STAU2: variants seen among roughly 807,000 people sequenced by gnomAD.
STAU2 encodes the protein staufen double-stranded RNA binding protein 2.
Under a neutral mutation model 65.9 loss-of-function variants are expected in STAU2, and 20 were observed. The observed-to-expected ratio is 0.30, with a 90% confidence interval of 0.21 to 0.44. The LOEUF is 0.44. STAU2 is among the 20% of genes least tolerant of loss of function. The pLI, the probability that STAU2 is intolerant of heterozygous loss-of-function variation, is 1.00. For missense variants in STAU2, 558 were observed against 683.9 expected (o/e 0.82, Z 2.05); for synonymous variants, 232 against 233.9 (o/e 0.99, Z 0.07).
chr8:73,472,646 G>A (rs1334650180), intron 13 of STAU2, among the ~76,000 whole-genome samples: 2 of 151,486 alleles, frequency 1.3e-5, no homozygotes, highest in African/African-American at 2.4e-5. Context: ...TTTGCATATA[G>A]TACAAACTTC....
intron 13 of STAU2, among the ~76,000 whole-genome samples, chr8:73,464,255 G>A (rs528475841): frequency 5.3e-5 from 8 of 152,126 alleles, no homozygotes; most frequent in Non-Finnish European, 1.0e-4. Flanking sequence ...CTAAGCTCAC[G>A]TCAAGCTAGC....
intron 13 of STAU2, among the ~76,000 whole-genome samples, chr8:73,465,723 G>T (rs1271140789): frequency 6.6e-6 from 1 of 152,194 alleles, no homozygotes; most frequent in Non-Finnish European, 1.5e-5. Flanking sequence ...CATATGCATT[G>T]CTTGATTAGA....
At chr8:73,733,096 C>G (rs974276977) in intron 3 of STAU2, among the ~76,000 whole-genome samples, 1 of 151,622 alleles carries the variant, frequency 6.6e-6, no homozygotes, top group Non-Finnish European at 1.5e-5. Context: ...TTCTGCTACT[C>G]CTTCGACACG....
At chr8:73,424,180 A>G (rs569453053) in intron 13 of STAU2, among the ~76,000 whole-genome samples, 2 of 141,660 alleles carry the variant, frequency 1.4e-5, no homozygotes, top group South Asian at 4.6e-4. Flanking sequence ...TTAGCAATGT[A>G]TATTTGAAGC....
intron 12 of STAU2, among the ~76,000 whole-genome samples, chr8:73,571,192 C>G (rs1486602928): frequency 6.6e-6 from 1 of 152,172 alleles, no homozygotes; most frequent in Non-Finnish European, 1.5e-5. Context: ...ACAAGAAGAG[C>G]TAACTATCCT....
intron 13 of STAU2, among the ~76,000 whole-genome samples, chr8:73,463,089 G>A (rs1207712106): frequency 6.6e-6 from 1 of 152,210 alleles, no homozygotes; most frequent in Non-Finnish European, 1.5e-5. Flanking sequence ...GTAGACTTGG[G>A]TTTGACCCCT....
chr8:73,626,463 G>A (rs10086512), intron 6 of STAU2, among the ~76,000 whole-genome samples: 73,575 of 151,944 alleles, frequency 0.48, 19,710 homozygotes, highest in Non-Finnish European at 0.62. Flanking sequence ...TTTTAAGCAG[G>A]AAAGTGGCAC....
At chr8:73,730,210 T>C (rs28763577) in intron 3 of STAU2, among the ~76,000 whole-genome samples, 15,296 of 152,266 alleles carry the variant, frequency 0.1, 955 homozygotes, top group African/African-American at 0.17. Flanking sequence ...GTCACATATA[T>C]TGTTTCCATT....
intron 4 of STAU2, among the ~76,000 whole-genome samples, chr8:73,703,968 C>A (rs1820307743): frequency 6.6e-6 from 1 of 152,154 alleles, no homozygotes; most frequent in Non-Finnish European, 1.5e-5. Context: ...GTTCTCCCAT[C>A]TTTTTAGTAT....
chr8:73,688,223 C>A (rs1195310885), intron 5 of STAU2, among the ~76,000 whole-genome samples: 1 of 148,512 alleles, frequency 6.7e-6, no homozygotes, highest in Non-Finnish European at 1.5e-5. Flanking sequence ...GTTGCCCAGG[C>A]TGGAGTGCAA....
intron 13 of STAU2, among the ~76,000 whole-genome samples, chr8:73,465,118 A>G (rs991165258): frequency 6.6e-6 from 1 of 152,222 alleles, no homozygotes; most frequent in African/African-American, 2.4e-5. Flanking sequence ...AATGCAAAGG[A>G]GAGAAGTCAG....
At chr8:73,567,914 T>C (rs545342238) in intron 12 of STAU2, among the ~76,000 whole-genome samples, 1 of 152,086 alleles carries the variant, frequency 6.6e-6, no homozygotes, top group African/African-American at 2.4e-5. Flanking sequence ...CGTCTTTCAA[T>C]AAGCAATTTC....
chr8:73,515,778 T>C (rs1445244501), intron 13 of STAU2, among the ~76,000 whole-genome samples: 4 of 113,078 alleles, frequency 3.5e-5, no homozygotes, highest in African/African-American at 1.4e-4. Context: ...TTTCTCTTTT[T>C]TTTTTTTTTT....
At chr8:73,699,618 G>A (rs754137056) in intron 4 of STAU2, among the ~76,000 whole-genome samples, 7 of 151,776 alleles carry the variant, frequency 4.6e-5, no homozygotes, top group Non-Finnish European at 8.8e-5. Context: ...GATTGAACCC[G>A]GAAGAAATCC....
At chr8:73,744,131 T>A (rs1429915258) in intron 1 of STAU2, among the ~76,000 whole-genome samples, 2 of 152,106 alleles carry the variant, frequency 1.3e-5, no homozygotes, top group Non-Finnish European at 2.9e-5. Flanking sequence ...TCTTATAATT[T>A]TTCCTGGAAC....
intron 12 of STAU2, among the ~76,000 whole-genome samples, chr8:73,555,368 C>A (rs960298250): frequency 2.0e-5 from 3 of 152,084 alleles, no homozygotes; most frequent in Admixed American, 6.6e-5. Flanking sequence ...GGTGGAGGCA[C>A]GCAGGGGCCA....
intron 13 of STAU2, among the ~76,000 whole-genome samples, chr8:73,545,102 T>C (rs954016509): frequency 6.6e-6 from 1 of 152,214 alleles, no homozygotes; most frequent in Non-Finnish European, 1.5e-5. Context: ...GCAGATTAAC[T>C]TCATATCCAT....
intron 4 of STAU2, 111 bp from the exon 5 acceptor site, chr8:73,688,924 T>C: frequency 8.0e-7 from 1 of 1,251,460 alleles, no homozygotes; most frequent in Non-Finnish European, 1.1e-6. Context: ...GAGCTAGAGG[T>C]GACCTTACCT....
chr8:73,617,713 G>T (rs1812932234), intron 6 of STAU2, among the ~76,000 whole-genome samples: 1 of 152,096 alleles, frequency 6.6e-6, no homozygotes, highest in African/African-American at 2.4e-5. Context: ...TATATCACAG[G>T]ATACTTCCTG....
Sources: gnomAD v4.1 joint callset for allele counts (sites outside exome capture counted in the v4.1 genomes callset) on GRCh38, gnomAD v4.1.1 for gene constraint, MANE v1.5 for transcripts, NCBI Gene and HGNC (gene_info 2026-07-23, HGNC 2026-07-21) for gene names.